PTCHD4: variants seen among roughly 807,000 people sequenced by gnomAD.
PTCHD4 encodes patched domain containing 4, also known as patched domain-containing protein 4.
A neutral mutation model predicts 58.1 loss-of-function variants in PTCHD4; 33 were observed. The ratio of observed to expected loss-of-function variants is 0.57; its 90% CI spans 0.43 to 0.76. The LOEUF is 0.76. PTCHD4 is among the 30% of genes least tolerant of loss of function. PTCHD4 has a pLI of 0.00. For synonymous variants in PTCHD4, 478 were observed against 409.6 expected (o/e 1.17, Z -2.02); for missense variants, 1,058 against 1,027.1 (o/e 1.03, Z -0.41).
In PTCHD4 at chr6:48,069,019, T is replaced by A. The variant is rs1764911311; in HGVS notation, c.-62A>T. ...GCTGCAGTCCCCTGGCCTCCCTCGC[T>A]GGAGGTGGTTCCGTGTGGAGCGTCC... On this transcript the variant is annotated 5_prime_UTR_variant, in exon 2 of 5. Coordinates refer to ENST00000339488, the MANE Select transcript of PTCHD4 (RefSeq NM_001384253.1). 6.7e-6 allele frequency among the ~76,000 whole-genome samples: 1 copy of A among 150,174 alleles called. No individual in the cohort carries two copies. Among genetic ancestry groups the A allele is most frequent in the South Asian group, 2.2e-4 (1 of 4,622 alleles).
At chr6:47,995,725 C>G (rs1002708761) in intron 4 of PTCHD4, among the ~76,000 whole-genome samples, 1 of 152,122 alleles carries the variant, frequency 6.6e-6, no homozygotes, top group Non-Finnish European at 1.5e-5. Context: ...TTGCCTCCAG[C>G]CTTTGAGATT....
intron 1 of PTCHD4, among the ~76,000 whole-genome samples, chr6:48,091,546 G>C (rs1765365412): frequency 6.6e-6 from 1 of 152,092 alleles, no homozygotes; most frequent in Non-Finnish European, 1.5e-5. Flanking sequence ...CAGAACTTTG[G>C]ACCACACCCA....
intron 3 of PTCHD4, among the ~76,000 whole-genome samples, chr6:48,039,702 T>G (rs1381930752): frequency 1.3e-5 from 2 of 152,122 alleles, no homozygotes; most frequent in Non-Finnish European, 2.9e-5. Flanking sequence ...TTCAATTAGA[T>G]GAATTTGAAA....
At position 47,875,809 on chromosome 6, in the gene PTCHD4, C is replaced by T. The variant is rs1338412160; in HGVS notation, c.*2494G>A. 6.6e-6 allele frequency among the ~76,000 whole-genome samples: 1 copy of T among 151,698 alleles called. No individual in the cohort carries two copies. Among genetic ancestry groups the T allele is most frequent in the African/African-American group, 2.4e-5 (1 of 41,356 alleles). On this transcript the variant is annotated 3_prime_UTR_variant, in exon 5 of 5. Coordinates refer to ENST00000339488, the MANE Select transcript of PTCHD4 (RefSeq NM_001384253.1). ...GACAACTGGCATGCTTGATTCTTTC[C>T]CTGTAAATCAGCCTGCCATTCTTCT... is the stretch of plus-strand genomic sequence containing the variant.
chr6:48,024,391 C>T (rs948118924), intron 3 of PTCHD4, among the ~76,000 whole-genome samples: 6 of 152,102 alleles, frequency 3.9e-5, no homozygotes, highest in Non-Finnish European at 7.4e-5. Context: ...ACTCTCAACA[C>T]GACCTAGAAC....
At chr6:47,941,993 A>G (rs1163901331) in intron 4 of PTCHD4, among the ~76,000 whole-genome samples, 3 of 152,234 alleles carry the variant, frequency 2.0e-5, no homozygotes, top group South Asian at 2.1e-4. Context: ...TAGCAGTCAC[A>G]TTGGAAAATC....
chr6:48,016,798 G>A (rs1167455425), intron 3 of PTCHD4, among the ~76,000 whole-genome samples: 5 of 150,548 alleles, frequency 3.3e-5, no homozygotes, highest in African/African-American at 1.0e-4. Context: ...AGAGGATGGA[G>A]ACATTAATGT....
At chr6:48,095,107 T>C (rs1462905327) in intron 1 of PTCHD4, among the ~76,000 whole-genome samples, 4 of 152,328 alleles carry the variant, frequency 2.6e-5, no homozygotes, top group African/African-American at 9.6e-5. Context: ...GTGTTGATAG[T>C]TTCATAGAGG....
At chr6:47,912,471 C>A (rs1019494142) in intron 4 of PTCHD4, among the ~76,000 whole-genome samples, 1 of 152,068 alleles carries the variant, frequency 6.6e-6, no homozygotes, top group Non-Finnish European at 1.5e-5. Context: ...ATTGCGTCCC[C>A]CAACACTAAA....
chr6:48,034,025 G>A (rs1320355305), intron 3 of PTCHD4, among the ~76,000 whole-genome samples: 1 of 152,074 alleles, frequency 6.6e-6, no homozygotes, highest in Non-Finnish European at 1.5e-5. Flanking sequence ...ACCTTGGAAA[G>A]CACCTTCAGC....
intron 3 of PTCHD4, among the ~76,000 whole-genome samples, chr6:48,061,777 T>TGG (rs1764634606): frequency 6.6e-6 from 1 of 152,212 alleles, no homozygotes; most frequent in Non-Finnish European, 1.5e-5. Flanking sequence ...TAAATACTTC[T>TGG]GCATGCCAGG....
Position 47,871,184 on chromosome 6 carries a change from TTTCACTGATGCTAATGTTTCCGTAA to T in PTCHD4, c.*7094_*7118del, listed in dbSNP as rs1180500683. ...GACTGTTTCTCCCTAGGAGTTTTCT[TTTCACTGATGCTAATGTTTCCGTAA>T]GTGACTTGTGTTTTAAAAACCCCGA... is the stretch of plus-strand genomic sequence containing the variant. On this transcript the variant is annotated 3_prime_UTR_variant, in exon 5 of 5. Coordinates refer to ENST00000339488, the MANE Select transcript of PTCHD4 (RefSeq NM_001384253.1). Among the ~76,000 whole-genome samples the T allele has an allele frequency of 6.6e-6, 1 of 151,610 alleles. No homozygotes were observed. The highest frequency in any genetic ancestry group is 2.4e-5 in the African/African-American group (1 of 41,376).
intron 4 of PTCHD4, among the ~76,000 whole-genome samples, chr6:47,937,332 A>G (rs1273985338): frequency 2.6e-5 from 4 of 152,208 alleles, no homozygotes; most frequent in African/African-American, 9.6e-5. Context: ...TAAGGTAACA[A>G]TGGAGATGGT....
At chr6:48,079,770 G>T (rs1441635785) in intron 1 of PTCHD4, among the ~76,000 whole-genome samples, 1 of 151,798 alleles carries the variant, frequency 6.6e-6, no homozygotes, top group African/African-American at 2.4e-5. Flanking sequence ...GGGGTGGAGT[G>T]CTTCCACCTC....
intron 4 of PTCHD4, among the ~76,000 whole-genome samples, chr6:47,957,094 G>A (rs973693663): frequency 2.0e-5 from 3 of 151,794 alleles, no homozygotes; most frequent in African/African-American, 7.2e-5. Flanking sequence ...GAACCCTGGA[G>A]GCGGAGGTTG....
intron 4 of PTCHD4, among the ~76,000 whole-genome samples, chr6:47,992,259 A>G (rs903610994): frequency 1.3e-5 from 2 of 152,204 alleles, no homozygotes; most frequent in African/African-American, 4.8e-5. Context: ...CCAAGATGAT[A>G]TAATTGTGTA....
intron 4 of PTCHD4, among the ~76,000 whole-genome samples, chr6:47,909,323 T>C (rs1198425065): frequency 6.6e-6 from 1 of 152,138 alleles, no homozygotes; most frequent in Non-Finnish European, 1.5e-5. Context: ...TGATGTAGAT[T>C]AGTATGTAAG....
At chr6:48,067,349 AT>A (rs539773361) in intron 3 of PTCHD4, among the ~76,000 whole-genome samples, 108 of 151,684 alleles carry the variant, frequency 7.1e-4, no homozygotes, top group Middle Eastern at 3.4e-3. Flanking sequence ...GCTGACTGTG[AT>A]TTTTTTTTCT....
chr6:48,047,304 T>G (rs2114162909), intron 3 of PTCHD4, among the ~76,000 whole-genome samples: 1 of 151,892 alleles, frequency 6.6e-6, no homozygotes, highest in Admixed American at 6.6e-5. Context: ...TAATTATCAC[T>G]TAGAAACTTG....
Sources: gnomAD v4.1 joint callset for allele counts (sites outside exome capture counted in the v4.1 genomes callset) on GRCh38, gnomAD v4.1.1 for gene constraint, MANE v1.5 for transcripts, NCBI Gene and HGNC (gene_info 2026-07-23, HGNC 2026-07-21) for gene names.